Variants in DDX60L observed in about 807,000 individuals in gnomAD.
The protein encoded by DDX60L is probable ATP-dependent RNA helicase DDX60-like.
DDX60L carries 191 observed loss-of-function variants against 211.6 expected under a neutral mutation model. That is an observed-to-expected ratio of 0.90 (90% CI 0.80 to 1.02). DDX60L has a LOEUF of 1.02. DDX60L is among the 50% of genes least tolerant of loss of function. The pLI is 0.00. For synonymous variants in DDX60L, 706 were observed against 694.1 expected (o/e 1.02, Z -0.27); for missense variants, 2,007 against 1,984.1 (o/e 1.01, Z -0.22).
At position 168,420,260 on chromosome 4, in the gene DDX60L, C is replaced by T. The variant is rs757524600; in HGVS notation, c.2514+1G>A. ...TAAACTCATTAATTAATATGTCATA[C>T]CTGACAGTTTAGTACATTGTGACAA... On this transcript the variant is annotated splice_donor_variant, in intron 18 of 37. Coordinates refer to ENST00000682922, the MANE Select transcript of DDX60L (RefSeq NM_001012967.3). LOFTEE classifies it high-confidence loss of function. 9.5e-6 allele frequency: 15 copies of T among 1,580,862 alleles called. No individual in the cohort carries two copies. In the South Asian group the frequency reaches 1.6e-4, roughly 17 times the overall value.
intron 9 of DDX60L, among the ~76,000 whole-genome samples, chr4:168,447,870 G>A (rs1755060159): frequency 8.1e-6 from 1 of 123,450 alleles, no homozygotes; most frequent in Non-Finnish European, 1.6e-5. Context: ...ACACTCTGGG[G>A]ACTGTTGTGG....
At chr4:168,443,428 A>G (rs1754256838) in intron 9 of DDX60L, among the ~76,000 whole-genome samples, 1 of 151,934 alleles carries the variant, frequency 6.6e-6, no homozygotes, top group Non-Finnish European at 1.5e-5. Flanking sequence ...GATGGGGAGA[A>G]TGGAACCAAG....
chr4:168,415,420 T>C lies in DDX60L; in HGVS notation c.2967A>G (p.Leu989=), dbSNP rs759775038. The change falls in exon 22 of 38, where the codon CTA becomes CTG. Residue 989 remains leucine, a synonymous_variant. Transcript: ENST00000682922. ...YFDHFHPCAA[L]TTDIIEKYGF... ...CTTTTATACTTACAATATCTGTCGT[T>C]AGCGCAGCACAGGGATGAAAATGAT... is the stretch of plus-strand genomic sequence containing the variant. 2 of 1,601,254 alleles carry C rather than the reference T, an allele frequency of 1.2e-6. No individual in the cohort carries two copies. The highest frequency in any genetic ancestry group is 2.3e-5 in the East Asian group (1 of 44,380).
chr4:168,426,473 C>A (rs1238936679), intron 14 of DDX60L, among the ~76,000 whole-genome samples: 2 of 151,350 alleles, frequency 1.3e-5, no homozygotes, highest in African/African-American at 4.9e-5. Context: ...TATAATGGGT[C>A]TCAGGCAAAA....
rs773020209 is a variant in DDX60L, at chr4:168,472,733, T to G, written c.-34A>C. The G allele has an allele frequency of 3.1e-6, 5 of 1,609,390 alleles. No homozygotes were observed. In the African/African-American group the frequency reaches 6.7e-5, roughly 22 times the overall value. Reference sequence around the variant, plus strand: ...CTTCTTGGGCTACAGGGTAGAAGAGTAGAGCTGGAATTTATTAAATATGGC... The same window carrying G: ...CTTCTTGGGCTACAGGGTAGAAGAGGAGAGCTGGAATTTATTAAATATGGC... On this transcript the variant is annotated 5_prime_UTR_variant, in exon 2 of 38. Transcript: ENST00000682922.
intron 36 of DDX60L, among the ~76,000 whole-genome samples, chr4:168,366,988 ATATGT>A (rs994394573): frequency 6.6e-6 from 1 of 151,900 alleles, no homozygotes; most frequent in African/African-American, 2.4e-5. Flanking sequence ...GGTTATGCTG[ATATGT>A]TATATGTTAA....
At chr4:168,420,664 G>GATAT (rs1350758414) in intron 17 of DDX60L, among the ~76,000 whole-genome samples, 4 of 138,914 alleles carry the variant, frequency 2.9e-5, no homozygotes, top group African/African-American at 8.3e-5. Flanking sequence ...TAGATAGATA[G>GATAT]ATAGATAGAT....
chr4:168,387,010 G>A (rs1430975417), intron 29 of DDX60L, among the ~76,000 whole-genome samples: 1 of 152,156 alleles, frequency 6.6e-6, no homozygotes, highest in Non-Finnish European at 1.5e-5. Flanking sequence ...GCCAGAAAAT[G>A]ACATGAAGAA....
chr4:168,391,649 G>C lies in DDX60L; in HGVS notation c.3811-5C>G. 1 of 1,070,516 alleles carries C rather than the reference G, an allele frequency of 9.3e-7. No homozygotes were observed. The highest frequency in any genetic ancestry group is 1.9e-5 in the South Asian group (1 of 51,464). 66.3% of individuals were successfully genotyped at this position (1,070,516 alleles called of 1,614,324 possible). A position where few individuals can be genotyped will look rare whatever the true frequency, so the allele number is the denominator to read the frequency against. On this transcript the variant is annotated splice_polypyrimidine_tract_variant and splice_region_variant and intron_variant, in intron 28 of 37. Transcript: ENST00000682922. ...TGTTTCAGTAGCTGTCACTACCTAG[G>C]AAAAAAAAAAAAAAACAGTCAATAC...
chr4:168,418,482 G>A (rs1561028102), intron 19 of DDX60L, among the ~76,000 whole-genome samples: 3 of 152,216 alleles, frequency 2.0e-5, no homozygotes, highest in Middle Eastern at 3.4e-3. Context: ...CCCTTAAAAC[G>A]GGAATGTTCA....
rs766123250 is a variant in DDX60L at position 168,391,589 on chromosome 4, A to G, written c.3866T>C (p.Val1289Ala). ...ALGIHMPCKS[V>A]VFAQDSVYLD... ...ATAGACTGAGTCTTGGGCAAAAACA[A>G]CAGATTTGCATGGCATGTGGATCCC... The change falls in exon 29 of 38, where the codon GTT becomes GCT. Residue 1289 changes from valine to alanine, a missense_variant. Coordinates refer to ENST00000682922, the MANE Select transcript of DDX60L (RefSeq NM_001012967.3). 5 of 1,609,374 alleles carry G rather than the reference A, an allele frequency of 3.1e-6. No homozygotes were observed. In the East Asian group the frequency reaches 1.1e-4, roughly 36 times the overall value.
Position 168,430,508 on chromosome 4 carries a change from A to C in DDX60L, c.1647T>G (p.Asp549Glu). 6.2e-7 allele frequency: 1 copy of C among 1,606,552 alleles called. No homozygotes were observed. The highest frequency in any genetic ancestry group is 1.1e-5 in the South Asian group (1 of 88,840). The change falls in exon 13 of 38, where the codon GAT becomes GAG. Residue 549 changes from aspartate (D) to glutamate (E), a missense_variant. Transcript: ENST00000682922. Reference sequence around the variant, plus strand: ...ATATTTCACCACTGGCACCACTGGAATCCTCCTTTGGCCGAGTAGTTTGAG... The same window carrying C: ...ATATTTCACCACTGGCACCACTGGACTCCTCCTTTGGCCGAGTAGTTTGAG... ...IVTQTTRPKE[D>E]SSGASGEILQ...
intron 8 of DDX60L, among the ~76,000 whole-genome samples, chr4:168,451,224 CT>C (rs1040432166): frequency 6.6e-6 from 1 of 152,164 alleles, no homozygotes; most frequent in Non-Finnish European, 1.5e-5. Context: ...AAACACATAA[CT>C]GGTATGGTAT....
chr4:168,458,669 A>C (rs965614588), intron 5 of DDX60L, among the ~76,000 whole-genome samples: 2 of 152,156 alleles, frequency 1.3e-5, no homozygotes, highest in Admixed American at 1.3e-4. Flanking sequence ...CGGGGGAGGG[A>C]GAGCATCAGG....
At chr4:168,459,315 A>G (rs1157768079) in intron 5 of DDX60L, among the ~76,000 whole-genome samples, 4 of 151,776 alleles carry the variant, frequency 2.6e-5, no homozygotes, top group Admixed American at 2.6e-4. Context: ...GCGAGACCCT[A>G]TATAAATAAA....
intron 30 of DDX60L, 193 bp from the exon 31 acceptor site, chr4:168,380,023 T>C (rs1332311469): frequency 4.2e-6 from 2 of 474,252 alleles, no homozygotes; most frequent in African/African-American, 4.0e-5. Flanking sequence ...ATTAAATACA[T>C]CATATAAAGC....
chr4:168,475,110 A>C (rs1759297935), intron 1 of DDX60L, among the ~76,000 whole-genome samples: 1 of 152,238 alleles, frequency 6.6e-6, no homozygotes, highest in African/African-American at 2.4e-5. Context: ...CCTGGGTTGA[A>C]TTCCTAATTC....
intron 14 of DDX60L, among the ~76,000 whole-genome samples, chr4:168,424,594 A>C (rs1026700407): frequency 6.6e-6 from 1 of 152,164 alleles, no homozygotes; most frequent in African/African-American, 2.4e-5. Flanking sequence ...AGATCAGTAA[A>C]ATATCTAAGT....
intron 36 of DDX60L, among the ~76,000 whole-genome samples, chr4:168,370,833 G>T (rs189545940): frequency 0.01 from 1,533 of 152,142 alleles, 27 homozygotes; most frequent in African/African-American, 0.034. Flanking sequence ...CTGTTTAAAA[G>T]CATGACTTTC....
Sources: allele counts gnomAD v4.1 joint callset (sites outside exome capture counted in the v4.1 genomes callset), GRCh38; gene constraint gnomAD v4.1.1; transcripts MANE v1.5; gene names NCBI Gene and HGNC (gene_info 2026-07-23, HGNC 2026-07-21).